The following MAGI2 variants were observed in gnomAD, a reference collection of about 807,000 sequenced individuals.
MAGI2 encodes the protein membrane-associated guanylate kinase, WW and PDZ domain-containing protein 2.
MAGI2 carries 35 observed loss-of-function variants against 133.3 expected under a neutral mutation model. The observed-to-expected ratio is 0.26, with a 90% CI of 0.20 to 0.35. The LOEUF (loss-of-function observed/expected upper bound fraction) is 0.35. Among genes scored for constraint, MAGI2 ranks in the 10% least tolerant of loss-of-function variants. MAGI2 has a pLI of 1.00. For synonymous variants in MAGI2, 729 were observed against 710.6 expected, an observed-to-expected ratio of 1.03 and a Z score of -0.41; for missense variants, 1,636 against 1,863.4, an observed-to-expected ratio of 0.88 and a Z score of 2.25.
At chr7:79,058,540 G>A (rs557932833) in intron 1 of MAGI2, among the ~76,000 whole-genome samples, 38 of 152,154 alleles carry the variant, frequency 2.5e-4, no homozygotes, top group South Asian at 4.1e-4. Flanking sequence ...ATGCCCACAC[G>A]TAGTTTTGTC....
chr7:78,174,088 A>T lies in MAGI2; in HGVS notation c.2403+3923T>A, dbSNP rs114751966. 6.6e-3 allele frequency among the ~76,000 whole-genome samples: 1,005 copies of T among 152,316 alleles called. 7 individuals carry two copies. The highest frequency in any genetic ancestry group is 0.023 in the African/African-American group (951 of 41,554). On this transcript the variant is annotated intron_variant, in intron 14 of 21. Transcript: ENST00000354212. ...AGCCTGTAGAACTTAGAGGCCTCAGAAAATATAAACTCCAGATCCTTACTT... is the reference window on the plus strand; with the variant it reads ...AGCCTGTAGAACTTAGAGGCCTCAGTAAATATAAACTCCAGATCCTTACTT...
intron 2 of MAGI2, among the ~76,000 whole-genome samples, chr7:78,797,606 G>T (rs1279670137): frequency 6.6e-6 from 1 of 152,132 alleles, no homozygotes; most frequent in Non-Finnish European, 1.5e-5. Flanking sequence ...CTTCAGATAT[G>T]TTAATCACAT....
intron 20 of MAGI2, among the ~76,000 whole-genome samples, chr7:78,102,481 C>T (rs150892106): frequency 6.6e-6 from 1 of 152,250 alleles, no homozygotes; most frequent in Non-Finnish European, 1.5e-5. Context: ...ATATGATGTT[C>T]TATTTGTCAG....
chr7:78,812,725 G>A (rs79873856), intron 2 of MAGI2, among the ~76,000 whole-genome samples: 2,495 of 151,934 alleles, frequency 0.016, 71 homozygotes, highest in African/African-American at 0.057. Flanking sequence ...AGGCATTGTT[G>A]GTAAAGAATC....
chr7:79,360,025 C>T (rs1842283512), intron 1 of MAGI2, among the ~76,000 whole-genome samples: 1 of 152,084 alleles, frequency 6.6e-6, no homozygotes, highest in Non-Finnish European at 1.5e-5. Context: ...TTGTCTGAGT[C>T]ATCAGAATTA....
intron 6 of MAGI2, among the ~76,000 whole-genome samples, chr7:78,390,513 A>C (rs1420544630): frequency 2.0e-5 from 3 of 151,666 alleles, no homozygotes; most frequent in Non-Finnish European, 4.4e-5. Flanking sequence ...GAAGGCACAC[A>C]TGTAGGTTGT....
intron 3 of MAGI2, among the ~76,000 whole-genome samples, chr7:78,562,720 A>G (rs1800536334): frequency 6.6e-6 from 1 of 152,174 alleles, no homozygotes; most frequent in South Asian, 2.1e-4. Flanking sequence ...CCACTACAAG[A>G]TAATGTCCTG....
intron 1 of MAGI2, among the ~76,000 whole-genome samples, chr7:79,349,437 A>G (rs1841546917): frequency 6.6e-6 from 1 of 151,978 alleles, no homozygotes; most frequent in African/African-American, 2.4e-5. Context: ...GGATTAAATA[A>G]GATGACCTTC....
chr7:79,125,514 G>C (rs533387704), intron 1 of MAGI2: 6 of 513,886 alleles, frequency 1.2e-5, no homozygotes, highest in Non-Finnish European at 2.4e-5. Flanking sequence ...GTGGTGGACA[G>C]GGTTATAGAA....
intron 3 of MAGI2, among the ~76,000 whole-genome samples, chr7:78,587,408 C>T (rs1584750917): frequency 6.6e-6 from 1 of 152,012 alleles, no homozygotes; most frequent in East Asian, 1.9e-4. Context: ...TTGCAAATTG[C>T]TAGTTATATT....
chr7:79,139,150 CAAGAATATA>C (rs1421646367), intron 1 of MAGI2, among the ~76,000 whole-genome samples: 3 of 152,080 alleles, frequency 2.0e-5, no homozygotes, highest in Non-Finnish European at 4.4e-5. Flanking sequence ...TCCAGAACCA[CAAGAATATA>C]AATTTCAATT....
At chr7:78,579,543 G>A (rs2150804471) in intron 3 of MAGI2, among the ~76,000 whole-genome samples, 1 of 152,282 alleles carries the variant, frequency 6.6e-6, no homozygotes, top group African/African-American at 2.4e-5. Flanking sequence ...TTATTGACCT[G>A]GAGATGGTAC....
At position 78,201,193 on chromosome 7, in the gene MAGI2, C is replaced by T; in HGVS notation, c.2048G>A (p.Gly683Asp). The T allele has an allele frequency of 1.4e-6, 2 of 1,470,982 alleles. No individual in the cohort carries two copies. The highest frequency in any genetic ancestry group is 1.4e-5 in the South Asian group (1 of 72,478). The allele number at this position is 1,470,982 out of a possible 1,614,324, so 91.1% of individuals were successfully genotyped here. A position where few individuals can be genotyped will look rare whatever the true frequency, so the allele number is the denominator to read the frequency against. The change falls in exon 11 of 22, where the codon GGT (glycine) becomes GAT (aspartate). Residue 683 changes from glycine to aspartate, a missense_variant and splice_region_variant. Physicochemically the swap from Gly to Asp is moderately conservative, Grantham distance 94 (BLOSUM62 -1). Around this residue, in one of 5 missense-constraint regions of MAGI2, gnomAD observed 920 missense variants for 1,093.5 expected, o/e 0.84. Transcript: ENST00000354212. ...TGGAGTTTTCCATGGAGAAAAGAAA[C>T]CTGTAATAAAGAAAACAATATTTGA... ...SETSLIIHRG[G>D]FFSPWKTPKP...
chr7:79,031,081 T>C (rs991170236), intron 1 of MAGI2, among the ~76,000 whole-genome samples: 1 of 152,190 alleles, frequency 6.6e-6, no homozygotes, highest in Non-Finnish European at 1.5e-5. Flanking sequence ...ATGAGCATGA[T>C]ATAAATCTAC....
intron 10 of MAGI2, among the ~76,000 whole-genome samples, chr7:78,219,126 T>C (rs1300402193): frequency 1.3e-5 from 2 of 152,182 alleles, no homozygotes; most frequent in Non-Finnish European, 2.9e-5. Context: ...ACCTTCCTAA[T>C]GAGATAAGGG....
chr7:78,587,294 TG>T (rs1803527499), intron 3 of MAGI2, among the ~76,000 whole-genome samples: 3 of 152,296 alleles, frequency 2.0e-5, no homozygotes, highest in Admixed American at 6.5e-5. Flanking sequence ...GTCACCCTAA[TG>T]GGTGTTCTGG....
At chr7:79,089,469 A>G (rs933253922) in intron 1 of MAGI2, among the ~76,000 whole-genome samples, 2 of 152,166 alleles carry the variant, frequency 1.3e-5, no homozygotes, top group Admixed American at 1.3e-4. Context: ...TACCCAAAAG[A>G]TTATAAATCA....
At chr7:78,219,810 C>T (rs182201208) in intron 10 of MAGI2, among the ~76,000 whole-genome samples, 43 of 152,260 alleles carry the variant, frequency 2.8e-4, no homozygotes, top group Non-Finnish European at 4.7e-4. Context: ...CCTCTTCTCT[C>T]GACTCTTGCT....
At chr7:78,078,788 ATGTGTGTGTGTGTGTG>A in intron 21 of MAGI2, 143 bp downstream of exon 21, 2 of 624,300 alleles carry the variant, frequency 3.2e-6, no homozygotes, top group Non-Finnish European at 5.6e-6. Flanking sequence ...GTGTGTGTGT[ATGTGTGTGTGTGTGTG>A]TGTGTGTGTA....
Sources: gnomAD v4.1 joint callset for allele counts (sites outside exome capture counted in the v4.1 genomes callset) on GRCh38, gnomAD v4.1.1 for gene constraint, gnomAD v4.1.1 regional missense constraint, MANE v1.5 for transcripts, NCBI Gene and HGNC (gene_info 2026-07-23, HGNC 2026-07-21) for gene names.